Variants in TUT7 observed in about 807,000 individuals in gnomAD.
TUT7 encodes terminal uridylyl transferase 7, also known as terminal uridylyltransferase 7.
A neutral mutation model predicts 165.9 loss-of-function variants in TUT7; 33 were observed. The ratio of observed to expected loss-of-function variants is 0.20; its 90% CI spans 0.15 to 0.27. The LOEUF is 0.27. Ranked by LOEUF, TUT7 falls within the 10% of genes least tolerant of loss-of-function variation. TUT7 has a pLI of 1.00. For synonymous variants in TUT7, 552 were observed against 608.1 expected (o/e 0.91, Z 1.36); for missense variants, 1,338 against 1,762.3 (o/e 0.76, Z 4.31).
At chr9:86,290,263 G>T (rs1451602251) in intron 26 of TUT7, among the ~76,000 whole-genome samples, 1 of 152,172 alleles carries the variant, frequency 6.6e-6, no homozygotes, top group Non-Finnish European at 1.5e-5. Flanking sequence ...AGGGAGTACA[G>T]ATGGTTTTTA....
At chr9:86,304,662 TTCTC>T (rs1244410462) in intron 24 of TUT7, among the ~76,000 whole-genome samples, 190 bp downstream of exon 24, 1 of 152,138 alleles carries the variant, frequency 6.6e-6, no homozygotes, top group Non-Finnish European at 1.5e-5. Flanking sequence ...TTCTTACTAT[TTCTC>T]TCTATTCTGA....
intron 26 of TUT7, among the ~76,000 whole-genome samples, chr9:86,296,479 A>G (rs934462409): frequency 1.3e-5 from 2 of 152,210 alleles, no homozygotes; most frequent in Non-Finnish European, 2.9e-5. Flanking sequence ...AAGGACATTC[A>G]TGGGATTTTC....
rs1279797946 is a variant in TUT7 at position 86,309,274 on chromosome 9, T to C, written c.3598A>G (p.Lys1200Glu). ...CCATCAACAAATATTTCAGGTTTCT[T>C]TTCACCTTTGTATATCTGAAATTAA... ...PVLQEIYKGE[K>E]KPEIFVDGWN... is the part of the protein sequence containing the mutation. The change falls in exon 21 of 27, where the codon AAG becomes GAG. Residue 1200 changes from lysine (K) to glutamate (E), a missense_variant. Physicochemically the swap from Lys to Glu is moderately conservative, Grantham distance 56. Around this residue, in one of 7 missense-constraint regions of TUT7, gnomAD observed 157 missense variants for 357.5 expected, o/e 0.44. Coordinates refer to ENST00000375963, the MANE Select transcript of TUT7 (RefSeq NM_024617.4). The C allele has an allele frequency of 6.4e-7, 1 of 1,569,308 alleles. No individual in the cohort carries two copies. The highest frequency in any genetic ancestry group is 1.1e-5 in the South Asian group (1 of 89,378).
rs144051921 is a variant in TUT7 at position 86,346,305 on chromosome 9, T to A, written c.696A>T (p.Leu232=). The part of the protein sequence containing the change: ...ERLKRDCIDR[L]KRRPRNYPTA... ...ATATATATAAGGATGTTACCCTTTTTAGCCTGTCAATGCAGTCTCTCTTCA... is the reference window on the plus strand; with the variant it reads ...ATATATATAAGGATGTTACCCTTTTAAGCCTGTCAATGCAGTCTCTCTTCA... The change falls in exon 3 of 27, where the codon CTA becomes CTT. Residue 232 remains leucine, a synonymous_variant. Transcript: ENST00000375963. 1 of 1,611,960 alleles carries A rather than the reference T, an allele frequency of 6.2e-7. No individual in the cohort carries two copies.
chr9:86,301,660 G>A lies in TUT7; in HGVS notation c.4095-59C>T, dbSNP rs75502019. On this transcript the variant is annotated intron_variant, in intron 25 of 26. Transcript: ENST00000375963. ...AAACAGAAGCCTAACAAAATATTAA[G>A]GCAATTCCCAAAATATTAAGGCAAT... 6,950 of 1,537,468 alleles carry A rather than the reference G, an allele frequency of 4.5e-3. 277 individuals are homozygous for A. In the African/African-American group the frequency reaches 0.086, roughly 19 times the overall value.
intron 2 of TUT7, among the ~76,000 whole-genome samples, chr9:86,351,363 G>C (rs2131626496): frequency 6.6e-6 from 1 of 152,250 alleles, no homozygotes; most frequent in East Asian, 1.9e-4. Context: ...TTGAACCCAG[G>C]AGGCAGAGGT....
chr9:86,309,339 G>T (rs1827809085), intron 20 of TUT7, 50 bp from the exon 21 acceptor site: 1 of 1,418,710 alleles, frequency 7.0e-7, no homozygotes, highest in Non-Finnish European at 9.7e-7. Flanking sequence ...TTAATGCATT[G>T]ATACAAAAAC....
In TUT7 at chr9:86,300,187, TA is replaced by T. The variant is rs1826747695; in HGVS notation, c.4420+1088del. ...TAAACCCTACTCTAAAAATAATAGA[TA>T]AAAATTTTTAAGTATTTTGATCTTT... is the stretch of plus-strand genomic sequence containing the variant. On this transcript the variant is annotated intron_variant, in intron 26 of 26. Transcript: ENST00000375963. Among the ~76,000 whole-genome samples the T allele has an allele frequency of 2.6e-5, 4 of 152,292 alleles. No individual in the cohort carries two copies. In the South Asian group the frequency reaches 6.2e-4, roughly 24 times the overall value.
Position 86,323,116 on chromosome 9 carries a change from C to T in TUT7, c.2634G>A (p.Glu878=), listed in dbSNP as rs1338068059. Residue 878 remains glutamate (E), a synonymous_variant, in exon 13 of 27, where the codon GAG becomes GAA. Transcript: ENST00000375963. ...EDEDGMANED[E]LDNTYTGSGD... is the part of the protein sequence containing the mutation. ...CTGACCCAGTGTAGGTGTTGTCTAA[C>T]TCATCTTCATTAGCCATGCCATCTT... 1 of 1,614,190 alleles carries T rather than the reference C, an allele frequency of 6.2e-7. No homozygotes were observed. The highest frequency in any genetic ancestry group is 8.5e-7 in the Non-Finnish European group (1 of 1,180,034).
At chr9:86,291,325 T>G (rs927708329) in intron 26 of TUT7, among the ~76,000 whole-genome samples, 1 of 151,946 alleles carries the variant, frequency 6.6e-6, no homozygotes, top group Non-Finnish European at 1.5e-5. Context: ...AATCCCAGCA[T>G]TTTGGGATGC....
intron 21 of TUT7, among the ~76,000 whole-genome samples, 157 bp from the exon 22 acceptor site, chr9:86,308,763 A>T (rs1432651221): frequency 6.6e-6 from 1 of 152,236 alleles, no homozygotes; most frequent in South Asian, 2.1e-4. Context: ...AATTTACATA[A>T]GTTTATTAAT....
In TUT7 at chr9:86,335,542, A is replaced by G. The variant is rs116216981; in HGVS notation, c.1455+1877T>C. Reference sequence around the variant, plus strand: ...AGAGAACACAGGCACAATACACTAAACTTCCTGACAGGGAATTTGGTCTTG... The same window carrying G: ...AGAGAACACAGGCACAATACACTAAGCTTCCTGACAGGGAATTTGGTCTTG... On this transcript the variant is annotated intron_variant, in intron 10 of 26. Coordinates refer to ENST00000375963, the MANE Select transcript of TUT7 (RefSeq NM_024617.4). 3.2e-3 allele frequency among the ~76,000 whole-genome samples: 489 copies of G among 152,256 alleles called. 5 individuals carry two copies. The highest frequency in any genetic ancestry group is 9.7e-3 in the African/African-American group (402 of 41,566).
chr9:86,322,533 G>C (rs1829411974), intron 13 of TUT7, 58 bp from the exon 14 acceptor site: 5 of 1,549,586 alleles, frequency 3.2e-6, no homozygotes, highest in Non-Finnish European at 4.3e-6. Flanking sequence ...AAATAAAGGA[G>C]TCTGGAATCA....
At chr9:86,312,464 C>T (rs1317501651) in intron 17 of TUT7, among the ~76,000 whole-genome samples, 2 of 151,914 alleles carry the variant, frequency 1.3e-5, no homozygotes, top group African/African-American at 4.8e-5. Context: ...CTCCACCCGG[C>T]AGCCACCCCA....
At chr9:86,299,849 A>T (rs2071299037) in intron 26 of TUT7, among the ~76,000 whole-genome samples, 1 of 152,224 alleles carries the variant, frequency 6.6e-6, no homozygotes, top group Non-Finnish European at 1.5e-5. Context: ...TAATCAACAC[A>T]GGCCTCGAGT....
chr9:86,345,563 C>G (rs1831683283), intron 4 of TUT7, 106 bp downstream of exon 4: 4 of 783,850 alleles, frequency 5.1e-6, no homozygotes, highest in Non-Finnish European at 8.5e-6. Context: ...ATAAATAAAG[C>G]AGTAAAGTTA....
chr9:86,312,036 C>T (rs914259306), intron 17 of TUT7, among the ~76,000 whole-genome samples: 7 of 152,134 alleles, frequency 4.6e-5, no homozygotes, highest in Admixed American at 6.5e-5. Flanking sequence ...TCTGCCCGGC[C>T]GCCACCCCGT....
intron 2 of TUT7, among the ~76,000 whole-genome samples, chr9:86,351,618 C>T (rs1273500774): frequency 2.0e-5 from 3 of 152,160 alleles, no homozygotes; most frequent in African/African-American, 7.2e-5. Flanking sequence ...ATTCTATACG[C>T]ATGGGACACA....
chr9:86,337,410 G>GT lies in TUT7; in HGVS notation c.1455+8dup. On this transcript the variant is annotated intron_variant, in intron 10 of 26. Transcript: ENST00000375963. ...GTTCAGATATATAAGCAAAAAAAAT[G>GT]TTTTATACCCATGATCCTAGATATA... 1 of 1,599,100 alleles carries GT rather than the reference G, an allele frequency of 6.3e-7. No individual in the cohort carries two copies. Among genetic ancestry groups the GT allele is most frequent in the East Asian group, 2.2e-5 (1 of 44,762 alleles).
Sources: gnomAD v4.1 joint callset for allele counts (sites outside exome capture counted in the v4.1 genomes callset) on GRCh38, gnomAD v4.1.1 for gene constraint, gnomAD v4.1.1 regional missense constraint, MANE v1.5 for transcripts, NCBI Gene and HGNC (gene_info 2026-07-23, HGNC 2026-07-21) for gene names.